SLC25A40: variants seen among roughly 807,000 people sequenced by gnomAD.
The protein encoded by SLC25A40 is solute carrier family 25 member 40, also known as mitochondrial glutathione transporter SLC25A40.
Under a neutral mutation model 46.5 loss-of-function variants are expected in SLC25A40, and 41 were observed. That is an observed-to-expected ratio of 0.88 (90% CI 0.69 to 1.14). The LOEUF is 1.14. Ranked by LOEUF, SLC25A40 falls within the 50% of genes most tolerant of loss-of-function variation. The probability of loss-of-function intolerance (pLI) is 0.00; values close to 1 mark genes in which losing one functional copy is unlikely to be tolerated. For missense variants in SLC25A40, 386 were observed against 393.6 expected (o/e 0.98, Z 0.16); for synonymous variants, 126 against 127.5 (o/e 0.99, Z 0.08).
chr7:87,845,191 C>T (rs1032901341), intron 8 of SLC25A40, among the ~76,000 whole-genome samples: 18 of 152,100 alleles, frequency 1.2e-4, no homozygotes, highest in Non-Finnish European at 2.1e-4. Flanking sequence ...CATTAACCAG[C>T]GAAACAGATC....
intron 1 of SLC25A40, among the ~76,000 whole-genome samples, chr7:87,863,275 T>G (rs957260520): frequency 6.6e-6 from 1 of 152,130 alleles, no homozygotes; most frequent in Non-Finnish European, 1.5e-5. Flanking sequence ...CCATGTGTCA[T>G]GAGAGGGACC....
Position 87,843,656 on chromosome 7 carries a change from C to T in SLC25A40, c.741+98G>A, listed in dbSNP as rs1584323863. ...TTAGACAAATTTTCAAGCAGTGCAG[C>T]CAAAGTGGATCTCAATATACATGAG... On this transcript the variant is annotated intron_variant, in intron 9 of 11. Coordinates refer to ENST00000341119, the MANE Select transcript of SLC25A40 (RefSeq NM_018843.4). The T allele has an allele frequency of 2.5e-5, 21 of 826,308 alleles. No homozygotes were observed. In the East Asian group the frequency reaches 5.9e-4, roughly 23 times the overall value. The allele number at this position is 826,308 out of a possible 1,614,324, so 51.2% of individuals were successfully genotyped here. A position where few individuals can be genotyped will look rare whatever the true frequency, so the allele number is the denominator to read the frequency against.
intron 3 of SLC25A40, among the ~76,000 whole-genome samples, chr7:87,857,302 A>C (rs1838629589): frequency 6.6e-6 from 1 of 152,232 alleles, no homozygotes; most frequent in African/African-American, 2.4e-5. Flanking sequence ...GGAATCAGAA[A>C]AGTTTAATGT....
At chr7:87,846,648 A>G (rs1838425669) in intron 8 of SLC25A40, among the ~76,000 whole-genome samples, 1 of 152,204 alleles carries the variant, frequency 6.6e-6, no homozygotes, top group South Asian at 2.1e-4. Context: ...ATTGCTTAGA[A>G]TAATATTAAA....
intron 1 of SLC25A40, among the ~76,000 whole-genome samples, chr7:87,867,306 TCTC>T (rs1025422537): frequency 6.6e-6 from 1 of 152,234 alleles, no homozygotes; most frequent in African/African-American, 2.4e-5. Context: ...TTCTTTTTAT[TCTC>T]CTCTGTGTGT....
At chr7:87,851,628 C>T (rs1296125538) in intron 5 of SLC25A40, among the ~76,000 whole-genome samples, 1 of 152,142 alleles carries the variant, frequency 6.6e-6, no homozygotes, top group South Asian at 2.1e-4. Flanking sequence ...ATGAGACTAC[C>T]CCACTACACC....
chr7:87,836,615 G>C (rs1838261197), intron 11 of SLC25A40, 115 bp downstream of exon 11: 1 of 575,160 alleles, frequency 1.7e-6, no homozygotes, highest in African/African-American at 2.0e-5. Flanking sequence ...AAGATATTTA[G>C]GAGAAAATAA....
intron 5 of SLC25A40, 25 bp from the exon 6 acceptor site, chr7:87,849,973 A>C (rs202234430): frequency 1.4e-6 from 2 of 1,438,174 alleles, no homozygotes; most frequent in South Asian, 2.5e-5. Flanking sequence ...GAAAAAAAGT[A>C]ATCAAAATAT....
chr7:87,875,721 TACAATAAAAGTCAACAGG>T (rs1838991078), intron 1 of SLC25A40, among the ~76,000 whole-genome samples: 1 of 152,190 alleles, frequency 6.6e-6, no homozygotes, highest in Non-Finnish European at 1.5e-5. Context: ...CAGGTCTGAA[TACAATAAAAGTCAACAGG>T]ACAGCGCAAA....
chr7:87,858,515 C>A, intron 3 of SLC25A40, 116 bp downstream of exon 3: 1 of 642,678 alleles, frequency 1.6e-6, no homozygotes, highest in Non-Finnish European at 2.7e-6. Flanking sequence ...ATTTCTCAGC[C>A]AGCCAATACT....
intron 1 of SLC25A40, among the ~76,000 whole-genome samples, chr7:87,866,755 G>A (rs1326068085): frequency 6.6e-6 from 1 of 152,182 alleles, no homozygotes; most frequent in Non-Finnish European, 1.5e-5. Flanking sequence ...TTTCAGTCCC[G>A]ATAAGTTAAA....
At chr7:87,839,025 T>C (rs1463247604) in intron 10 of SLC25A40, among the ~76,000 whole-genome samples, 1 of 151,512 alleles carries the variant, frequency 6.6e-6, no homozygotes, top group Non-Finnish European at 1.5e-5. Flanking sequence ...TGTGCAAAAG[T>C]TTCCCTAGGG....
chr7:87,866,526 C>G (rs56018503), intron 1 of SLC25A40, among the ~76,000 whole-genome samples: 7,866 of 152,254 alleles, frequency 0.052, 227 homozygotes, highest in Non-Finnish European at 0.06. Flanking sequence ...AAGACAGTTT[C>G]TGGGGTGCCA....
At chr7:87,851,439 A>G (rs965503536) in intron 5 of SLC25A40, among the ~76,000 whole-genome samples, 1 of 152,194 alleles carries the variant, frequency 6.6e-6, no homozygotes, top group South Asian at 2.1e-4. Context: ...ACCCAGACCC[A>G]TATCAGCAAA....
At chr7:87,872,714 C>G (rs118053471) in intron 1 of SLC25A40, among the ~76,000 whole-genome samples, 3,954 of 152,294 alleles carry the variant, frequency 0.026, 54 homozygotes, top group Middle Eastern at 0.048. Flanking sequence ...GTAATCCTAG[C>G]ACTTTGGGAG....
chr7:87,873,107 T>G (rs942881501), intron 1 of SLC25A40, among the ~76,000 whole-genome samples: 2 of 152,140 alleles, frequency 1.3e-5, no homozygotes, highest in African/African-American at 4.8e-5. Context: ...GACATATCAA[T>G]AGTTGGCAAA....
chr7:87,862,958 T>G (rs1838731104), intron 1 of SLC25A40, among the ~76,000 whole-genome samples: 1 of 152,108 alleles, frequency 6.6e-6, no homozygotes, highest in Non-Finnish European at 1.5e-5. Context: ...TCCCACAATA[T>G]GTGGGGACTG....
intron 1 of SLC25A40, among the ~76,000 whole-genome samples, chr7:87,874,369 C>A (rs1053050076): frequency 6.6e-6 from 1 of 152,124 alleles, no homozygotes; most frequent in African/African-American, 2.4e-5. Context: ...AAATCTTTCC[C>A]ACATCCTCTA....
At chr7:87,862,725 CAAATA>C (rs2131016521) in intron 1 of SLC25A40, among the ~76,000 whole-genome samples, 1 of 152,250 alleles carries the variant, frequency 6.6e-6, no homozygotes, top group South Asian at 2.1e-4. Context: ...GGGCAATTAA[CAAATA>C]AAAGTGTTTT....
Sources: allele counts gnomAD v4.1 joint callset (sites outside exome capture counted in the v4.1 genomes callset), GRCh38; gene constraint gnomAD v4.1.1; transcripts MANE v1.5; gene names NCBI Gene and HGNC (gene_info 2026-07-23, HGNC 2026-07-21).